MIPEP: variants seen among roughly 807,000 people sequenced by gnomAD.
MIPEP encodes the protein mitochondrial intermediate peptidase.
A neutral mutation model predicts 90.3 loss-of-function variants in MIPEP; 79 were observed. The observed-to-expected ratio is 0.87, with a 90% CI of 0.73 to 1.05. The LOEUF is 1.05. MIPEP is among the 50% of genes least tolerant of loss of function. The probability of loss-of-function intolerance (pLI) is 0.00; values close to 1 mark genes in which losing one functional copy is unlikely to be tolerated. For synonymous variants in MIPEP, 334 were observed against 315.8 expected, an observed-to-expected ratio of 1.06 and a Z score of -0.61; for missense variants, 940 against 905.6, an observed-to-expected ratio of 1.04 and a Z score of -0.49.
Position 23,886,388 on chromosome 13 carries a change from TG to T in MIPEP, c.307del (p.Gln103ArgfsTer4), listed in dbSNP as rs772108799. ...GAGCTCATCGAAGATCAGCACGGTC[TG>T]GGGCCCAGGTGGGGTGGAACATGCA... ...DRACSTPPGP[Q>X]TVLIFDELSD... On this transcript the variant is annotated frameshift_variant, in exon 2 of 19. Transcript: ENST00000382172. LOFTEE classifies it high-confidence loss of function. 6.2e-7 allele frequency: 1 copy of T among 1,608,182 alleles called. No individual in the cohort carries two copies.
intron 15 of MIPEP, among the ~76,000 whole-genome samples, chr13:23,808,273 G>A (rs1953134584): frequency 6.6e-6 from 1 of 151,894 alleles, no homozygotes; most frequent in Non-Finnish European, 1.5e-5. Context: ...TAATTTTTTT[G>A]TATTTTTAGT....
In MIPEP at chr13:23,775,109, C is replaced by CTCTCTGTG. The variant is rs1375320068; in HGVS notation, c.1849-14893_1849-14892insCACAGAGA. ...TCACTGCACCCAGCCTATCAGTTCT[C>CTCTCTGTG]TGTGTGTGTGTGTGTGTGTGTGTGT... On this transcript the variant is annotated intron_variant, in intron 16 of 18. Coordinates refer to ENST00000382172, the MANE Select transcript of MIPEP (RefSeq NM_005932.4). 3.7e-4 allele frequency among the ~76,000 whole-genome samples: 55 copies of CTCTCTGTG among 149,200 alleles called. 1 individual carries two copies. The highest frequency in any genetic ancestry group is 1.3e-3 in the African/African-American group (54 of 40,444).
intron 16 of MIPEP, among the ~76,000 whole-genome samples, chr13:23,798,528 C>T (rs570910859): frequency 6.6e-6 from 1 of 152,210 alleles, no homozygotes; most frequent in East Asian, 1.9e-4. Context: ...TATAAATCCC[C>T]CGATATAGTC....
chr13:23,801,119 G>A (rs1289741797), intron 16 of MIPEP, among the ~76,000 whole-genome samples: 1 of 152,150 alleles, frequency 6.6e-6, no homozygotes, highest in Admixed American at 6.5e-5. Flanking sequence ...GGAATAAAAG[G>A]ATTCATTTCA....
At chr13:23,748,917 A>T (rs1440340388) in intron 18 of MIPEP, among the ~76,000 whole-genome samples, 2 of 152,218 alleles carry the variant, frequency 1.3e-5, no homozygotes, top group Admixed American at 6.5e-5. Context: ...TTAAAAAAAT[A>T]AAAAGCAAAG....
chr13:23,879,161 A>T, intron 4 of MIPEP, 107 bp downstream of exon 4: 1 of 708,522 alleles, frequency 1.4e-6, no homozygotes, highest in Non-Finnish European at 2.5e-6. Context: ...CCTGGGGAGG[A>T]ACATTCCAGA....
intron 18 of MIPEP, among the ~76,000 whole-genome samples, chr13:23,746,205 A>C (rs1952381529): frequency 6.6e-6 from 1 of 150,978 alleles, no homozygotes; most frequent in African/African-American, 2.4e-5. Context: ...GTACAGATGG[A>C]GTTTCACCAT....
chr13:23,841,421 T>G lies in MIPEP; in HGVS notation c.1174A>C (p.Ile392Leu). The G allele has an allele frequency of 6.2e-7, 1 of 1,614,094 alleles. No individual in the cohort carries two copies. The highest frequency in any genetic ancestry group is 8.5e-7 in the Non-Finnish European group (1 of 1,180,006). The change falls in exon 11 of 19, where the codon ATT becomes CTT. Residue 392 changes from isoleucine (I) to leucine (L), a missense_variant. Transcript: ENST00000382172. ...SLGACMEGLN[I>L]LLNRLLGISL... ...ATCCCCAACAGTCTGTTAAGCAAAA[T>G]ATTCAGGCCTTCCATGCATGCTCCA...
chr13:23,889,391 CCG>C lies in MIPEP; in HGVS notation c.-73_-72del. ...GCTGCTTTCGCTGGGAGCGCGCGCTCCGCGTTTCCAAGGCAGCAGCCCACGCC... is the reference window on the plus strand; with the variant it reads ...GCTGCTTTCGCTGGGAGCGCGCGCTCCGTTTCCAAGGCAGCAGCCCACGCC... On this transcript the variant is annotated 5_prime_UTR_variant, in exon 1 of 19. Transcript: ENST00000382172. The C allele has an allele frequency of 8.2e-7, 1 of 1,225,632 alleles. No individual in the cohort carries two copies. The highest frequency in any genetic ancestry group is 1.0e-6 in the Non-Finnish European group (1 of 977,712). 75.9% of individuals were successfully genotyped at this position (1,225,632 alleles called of 1,614,324 possible).
At chr13:23,843,307 C>A (rs368147058) in intron 10 of MIPEP, among the ~76,000 whole-genome samples, 31 of 151,890 alleles carry the variant, frequency 2.0e-4, no homozygotes, top group African/African-American at 7.5e-4. Context: ...AGAATGGGAG[C>A]GGAGTCTGGA....
chr13:23,874,928 C>T lies in MIPEP; in HGVS notation c.540-19G>A. ...CACTCGCCTATAAATGAAATGAGCCCCAGGTTATAACAGGTAATAAAAATT... is the reference window on the plus strand; with the variant it reads ...CACTCGCCTATAAATGAAATGAGCCTCAGGTTATAACAGGTAATAAAAATT... On this transcript the variant is annotated intron_variant, in intron 4 of 18. Coordinates refer to ENST00000382172, the MANE Select transcript of MIPEP (RefSeq NM_005932.4). 6.3e-7 allele frequency: 1 copy of T among 1,577,010 alleles called. No homozygotes were observed. Among genetic ancestry groups the T allele is most frequent in the South Asian group, 1.2e-5 (1 of 83,890 alleles).
chr13:23,829,430 G>GA (rs998275561), intron 14 of MIPEP, among the ~76,000 whole-genome samples: 1 of 150,078 alleles, frequency 6.7e-6, no homozygotes, highest in Non-Finnish European at 1.5e-5. Context: ...CTCAAAAAAA[G>GA]AAAAAAAATA....
At chr13:23,743,553 A>T (rs1450557059) in intron 18 of MIPEP, among the ~76,000 whole-genome samples, 1 of 152,252 alleles carries the variant, frequency 6.6e-6, no homozygotes, top group African/African-American at 2.4e-5. Flanking sequence ...GTCGGCATTC[A>T]CATATGAGGC....
At chr13:23,790,374 G>C (rs1483463423) in intron 16 of MIPEP, among the ~76,000 whole-genome samples, 1 of 152,202 alleles carries the variant, frequency 6.6e-6, no homozygotes. Context: ...TCTTTCAAAT[G>C]TTCTGTGTGG....
chr13:23,761,443 A>G (rs1952541830), intron 16 of MIPEP, among the ~76,000 whole-genome samples: 1 of 152,150 alleles, frequency 6.6e-6, no homozygotes, highest in African/African-American at 2.4e-5. Flanking sequence ...ATTGGAGGAG[A>G]GAATTTGGAG....
At chr13:23,812,586 G>A (rs1593168690) in intron 14 of MIPEP, among the ~76,000 whole-genome samples, 1 of 152,026 alleles carries the variant, frequency 6.6e-6, no homozygotes, top group African/African-American at 2.4e-5. Flanking sequence ...ATGACGGGAT[G>A]GGCAGTTGGT....
chr13:23,837,448 G>A (rs1342142140), intron 13 of MIPEP, 104 bp downstream of exon 13: 15 of 890,508 alleles, frequency 1.7e-5, no homozygotes, highest in Middle Eastern at 3.6e-4. Context: ...CACAGGACAC[G>A]GTAAAATGAT....
chr13:23,768,222 A>AC (rs1258834080), intron 16 of MIPEP, among the ~76,000 whole-genome samples: 1 of 152,236 alleles, frequency 6.6e-6, no homozygotes, highest in Non-Finnish European at 1.5e-5. Flanking sequence ...GGGGAGGCCA[A>AC]GTTTACACCC....
At chr13:23,742,044 C>T (rs1035699033) in intron 18 of MIPEP, among the ~76,000 whole-genome samples, 1 of 152,150 alleles carries the variant, frequency 6.6e-6, no homozygotes, top group African/African-American at 2.4e-5. Context: ...CCCCGTGGGG[C>T]CTTGCTGGTC....
Sources: allele counts gnomAD v4.1 joint callset (sites outside exome capture counted in the v4.1 genomes callset), GRCh38; gene constraint gnomAD v4.1.1; transcripts MANE v1.5; gene names NCBI Gene and HGNC (gene_info 2026-07-23, HGNC 2026-07-21).